MAST2: variants seen among roughly 807,000 people sequenced by gnomAD.
MAST2 encodes microtubule-associated serine/threonine-protein kinase 2.
Under a neutral mutation model 147.4 loss-of-function variants are expected in MAST2, and 70 were observed. The observed-to-expected ratio is 0.47, with a 90% confidence interval of 0.39 to 0.58. The LOEUF is 0.58. Among genes scored for constraint, MAST2 ranks in the 20% least tolerant of loss-of-function variants. The pLI, the probability that MAST2 is intolerant of heterozygous loss-of-function variation, is 0.00. For synonymous variants in MAST2, 869 were observed against 896.8 expected, an observed-to-expected ratio of 0.97 and a Z score of 0.55; for missense variants, 2,080 against 2,302.3, an observed-to-expected ratio of 0.90 and a Z score of 1.98.
In MAST2 at chr1:46,030,358, A is replaced by T. The variant is rs571826217; in HGVS notation, c.2553+120A>T. On this transcript the variant is annotated intron_variant, in intron 21 of 28. Transcript: ENST00000361297. ...TGGGGTTGGGGCCACCTCTAGAAAAAGAGGAGCTAAGGGTTGGGGCTACAT... is the reference window on the plus strand; with the variant it reads ...TGGGGTTGGGGCCACCTCTAGAAAATGAGGAGCTAAGGGTTGGGGCTACAT... 4.1e-5 allele frequency: 41 copies of T among 1,011,988 alleles called. No individual in the cohort carries two copies. The South Asian group carries it at 6.1e-4, about 15-fold the overall frequency. The allele number at this position is 1,011,988 out of a possible 1,614,324, so 62.7% of individuals were successfully genotyped here.
chr1:45,909,927 C>T (rs1228690699), intron 4 of MAST2, among the ~76,000 whole-genome samples: 1 of 152,042 alleles, frequency 6.6e-6, no homozygotes, highest in Non-Finnish European at 1.5e-5. Flanking sequence ...ATTCTCCTGC[C>T]TCAGCCAGGC....
chr1:45,900,254 T>G (rs1183030619), intron 4 of MAST2, among the ~76,000 whole-genome samples: 1 of 151,500 alleles, frequency 6.6e-6, no homozygotes, highest in East Asian at 1.9e-4. Flanking sequence ...GTAGTTCTAT[T>G]TTTAGTTCTG....
chr1:46,015,395 T>C (rs1321978695), intron 10 of MAST2, among the ~76,000 whole-genome samples: 1 of 152,126 alleles, frequency 6.6e-6, no homozygotes, highest in African/African-American at 2.4e-5. Context: ...AGCTGGTTTT[T>C]TGAAAGGATC....
rs559373671 is a variant in MAST2, at chr1:45,990,852, A to G, written c.593-6872A>G. Among the ~76,000 whole-genome samples, 61 of 152,122 alleles carry G rather than the reference A, an allele frequency of 4.0e-4. 1 individual carries two copies. Among genetic ancestry groups the G allele is most frequent in the Non-Finnish European group, 7.9e-4 (54 of 67,998 alleles). On this transcript the variant is annotated intron_variant, in intron 5 of 28. Coordinates refer to ENST00000361297, the MANE Select transcript of MAST2 (RefSeq NM_015112.3). ...CTGTCTTTTTCATTCTCTTAACAGTATCTTTTGCAGAAGTTCTTAATTTTA... is the reference window on the plus strand; with the variant it reads ...CTGTCTTTTTCATTCTCTTAACAGTGTCTTTTGCAGAAGTTCTTAATTTTA...
chr1:45,837,991 C>T (rs1374933563), intron 3 of MAST2, among the ~76,000 whole-genome samples: 1 of 152,028 alleles, frequency 6.6e-6, no homozygotes, highest in Non-Finnish European at 1.5e-5. Context: ...GTTGGTCAAG[C>T]TTGTCTCGAA....
chr1:46,012,858 C>A (rs1220582843), intron 10 of MAST2, among the ~76,000 whole-genome samples: 1 of 151,990 alleles, frequency 6.6e-6, no homozygotes, highest in African/African-American at 2.4e-5. Context: ...ACCATGTTGG[C>A]CAGGCTGGTC....
intron 4 of MAST2, among the ~76,000 whole-genome samples, chr1:45,929,748 T>A (rs1358652335): frequency 6.6e-6 from 1 of 152,178 alleles, no homozygotes; most frequent in African/African-American, 2.4e-5. Flanking sequence ...ACAGAAGAAT[T>A]AATTTTCATG....
At chr1:45,903,126 C>CTTTTTGTTTTTT (rs1650059983) in intron 4 of MAST2, among the ~76,000 whole-genome samples, 1 of 79,322 alleles carries the variant, frequency 1.3e-5, no homozygotes, top group Non-Finnish European at 2.2e-5. Context: ...AAATTTTTGT[C>CTTTTTGTTTTTT]TTTTTTTTTT....
intron 4 of MAST2, among the ~76,000 whole-genome samples, chr1:45,952,459 C>T (rs1003799449): frequency 1.3e-5 from 2 of 152,076 alleles, no homozygotes; most frequent in African/African-American, 4.8e-5. Flanking sequence ...AGTGGCAGTG[C>T]TTGCACAGCC....
intron 15 of MAST2, 189 bp downstream of exon 15, chr1:46,024,169 C>G: frequency 1.7e-6 from 1 of 599,830 alleles, no homozygotes; most frequent in Admixed American, 2.7e-5. Flanking sequence ...CTCCCTGCCT[C>G]TACCATGAGA....
chr1:45,973,837 G>A (rs1644025862), intron 5 of MAST2, among the ~76,000 whole-genome samples: 1 of 152,228 alleles, frequency 6.6e-6, no homozygotes, highest in African/African-American at 2.4e-5. Context: ...AGTATTGCCA[G>A]TGGGATGTAG....
At chr1:45,887,270 A>G (rs1647137441) in intron 4 of MAST2, among the ~76,000 whole-genome samples, 1 of 152,292 alleles carries the variant, frequency 6.6e-6, no homozygotes, top group South Asian at 2.1e-4. Context: ...TTTTCCTCAT[A>G]TTTCATGAAA....
chr1:45,924,436 T>G (rs1263851484), intron 4 of MAST2, among the ~76,000 whole-genome samples: 1 of 151,916 alleles, frequency 6.6e-6, no homozygotes, highest in African/African-American at 2.4e-5. Flanking sequence ...GAACTGAAAA[T>G]TGAGTGCTAC....
intron 5 of MAST2, among the ~76,000 whole-genome samples, chr1:45,962,392 G>A (rs1165674450): frequency 3.3e-5 from 5 of 152,028 alleles, no homozygotes; most frequent in African/African-American, 9.7e-5. Flanking sequence ...CACCAACAGT[G>A]TAAAAGTGTT....
chr1:45,909,063 T>C (rs1651243496), intron 4 of MAST2, among the ~76,000 whole-genome samples: 1 of 152,206 alleles, frequency 6.6e-6, no homozygotes, highest in Non-Finnish European at 1.5e-5. Flanking sequence ...TTTTCTTTAG[T>C]TCTCACTGAA....
chr1:45,936,228 T>C (rs1164244509), intron 4 of MAST2, among the ~76,000 whole-genome samples: 1 of 152,190 alleles, frequency 6.6e-6, no homozygotes, highest in Non-Finnish European at 1.5e-5. Context: ...CACTACTGAT[T>C]TTTGTATGTT....
At chr1:45,860,762 G>A (rs1354785813) in intron 3 of MAST2, among the ~76,000 whole-genome samples, 3 of 151,758 alleles carry the variant, frequency 2.0e-5, no homozygotes, top group African/African-American at 7.2e-5. Flanking sequence ...AACCTGGGAG[G>A]CAGAGGTTGT....
intron 8 of MAST2, among the ~76,000 whole-genome samples, chr1:46,008,003 T>G (rs4328024): frequency 1 from 152,177 of 152,328 alleles, 76,015 homozygotes; most frequent in Non-Finnish European, 1. Flanking sequence ...TCCAGGGGAG[T>G]TTATCCTGGG....
At position 45,964,187 on chromosome 1, in the gene MAST2, T is replaced by TG. The variant is rs1358764439; in HGVS notation, c.592+4711dup. ...TTGGTCTAAAATTCTCTTTTTTTGT[T>TG]GTGTCTCTGCCAGTCTTTTGTATCA... On this transcript the variant is annotated intron_variant, in intron 5 of 28. Coordinates refer to ENST00000361297, the MANE Select transcript of MAST2 (RefSeq NM_015112.3). Among the ~76,000 whole-genome samples the TG allele has an allele frequency of 1.1e-4, 16 of 152,332 alleles. No individual in the cohort carries two copies. In the East Asian group the frequency reaches 3.1e-3, roughly 29 times the overall value.
Sources: allele counts gnomAD v4.1 joint callset (sites outside exome capture counted in the v4.1 genomes callset), GRCh38; gene constraint gnomAD v4.1.1; transcripts MANE v1.5; gene names NCBI Gene and HGNC (gene_info 2026-07-23, HGNC 2026-07-21).